LRRTM4: variants seen among roughly 807,000 people sequenced by gnomAD.
The protein encoded by LRRTM4 is leucine rich repeat transmembrane neuronal 4.
LRRTM4 carries 25 observed loss-of-function variants against 47.6 expected under a neutral mutation model. That is an observed-to-expected ratio of 0.53 (90% CI 0.38 to 0.73). The LOEUF is 0.73. Among genes scored for constraint, LRRTM4 ranks in the 30% least tolerant of loss-of-function variants. The pLI, the probability that LRRTM4 is intolerant of heterozygous loss-of-function variation, is 0.00. For missense variants in LRRTM4, 638 were observed against 713.4 expected (o/e 0.89, Z 1.20); for synonymous variants, 311 against 269.5 (o/e 1.15, Z -1.51).
chr2:77,337,310 A>G (rs749285498), intron 3 of LRRTM4, among the ~76,000 whole-genome samples: 20 of 152,072 alleles, frequency 1.3e-4, no homozygotes, highest in Non-Finnish European at 2.9e-4. Flanking sequence ...GGAATCTCCA[A>G]ATTTAACGCT....
intron 3 of LRRTM4, among the ~76,000 whole-genome samples, chr2:77,315,601 C>G (rs1479119773): frequency 6.6e-6 from 1 of 152,122 alleles, no homozygotes; most frequent in Non-Finnish European, 1.5e-5. Flanking sequence ...CTAAACTTTA[C>G]TCAGGTTTCT....
At chr2:77,512,958 T>G (rs889290502) in intron 3 of LRRTM4, among the ~76,000 whole-genome samples, 3 of 152,168 alleles carry the variant, frequency 2.0e-5, no homozygotes, top group Non-Finnish European at 4.4e-5. Context: ...TCGGTCTTTT[T>G]TTGGCAGCTG....
rs2103922990 is a variant in LRRTM4 at position 77,211,309 on chromosome 2, G to C, written c.1551+307009C>G. On this transcript the variant is annotated intron_variant, in intron 3 of 3. Coordinates refer to ENST00000409884, the MANE Select transcript of LRRTM4 (RefSeq NM_001134745.3). ...CAGCAAGTGCTGAAATGATGAAAGA[G>C]AAGCAGATACTGCTTAAAGCAGAGA... Among the ~76,000 whole-genome samples, 2 of 152,286 alleles carry C rather than the reference G, an allele frequency of 1.3e-5. 1 individual carries two copies. Among genetic ancestry groups the C allele is most frequent in the South Asian group, 4.1e-4 (2 of 4,832 alleles).
rs376743449 is a variant in LRRTM4 at position 77,115,293 on chromosome 2, G to A, written c.1552-366377C>T. 3.5e-4 allele frequency among the ~76,000 whole-genome samples: 53 copies of A among 152,178 alleles called. No homozygotes were observed. In the South Asian group the frequency reaches 0.01, roughly 29 times the overall value. ...TATCTTCCCTTGTTCCCTGAAAATC[G>A]CTGTTATCCTGTTCTTTTTCAGGGT... is the stretch of plus-strand genomic sequence containing the variant. On this transcript the variant is annotated intron_variant, in intron 3 of 3. Coordinates refer to ENST00000409884, the MANE Select transcript of LRRTM4 (RefSeq NM_001134745.3).
intron 3 of LRRTM4, among the ~76,000 whole-genome samples, chr2:77,302,605 C>T (rs1677160056): frequency 1.3e-5 from 2 of 152,176 alleles, no homozygotes; most frequent in Non-Finnish European, 2.9e-5. Context: ...TCAGTAAATA[C>T]TTGGTCAATC....
At chr2:77,425,067 C>T (rs966264250) in intron 3 of LRRTM4, among the ~76,000 whole-genome samples, 4 of 152,138 alleles carry the variant, frequency 2.6e-5, no homozygotes, top group Non-Finnish European at 5.9e-5. Flanking sequence ...AAGACCTGTG[C>T]TAAATAAAAC....
rs190990272 is a variant in LRRTM4, at chr2:77,453,235, G to A, written c.1551+65083C>T. 1.3e-3 allele frequency among the ~76,000 whole-genome samples: 178 copies of A among 137,704 alleles called. 1 individual carries two copies. Among genetic ancestry groups the A allele is most frequent in the East Asian group, 4.3e-3 (20 of 4,634 alleles). 90.3% of individuals were successfully genotyped at this position (137,704 alleles called of 152,430 possible). Reference sequence around the variant, plus strand: ...CTCGCTGTGTTGCCCAGGCTGGAGTGCAGTGGAGCGATCTCTGTTCACTGC... The same window carrying A: ...CTCGCTGTGTTGCCCAGGCTGGAGTACAGTGGAGCGATCTCTGTTCACTGC... On this transcript the variant is annotated intron_variant, in intron 3 of 3. Coordinates refer to ENST00000409884, the MANE Select transcript of LRRTM4 (RefSeq NM_001134745.3).
chr2:77,264,004 T>A (rs550444981), intron 3 of LRRTM4, among the ~76,000 whole-genome samples: 1 of 149,634 alleles, frequency 6.7e-6, no homozygotes, highest in African/African-American at 2.5e-5. Flanking sequence ...CCGAAACTTC[T>A]TTAAGTTTTT....
intron 3 of LRRTM4, among the ~76,000 whole-genome samples, chr2:76,776,514 A>G (rs1159897902): frequency 1.3e-5 from 2 of 152,102 alleles, no homozygotes; most frequent in Non-Finnish European, 1.5e-5. Context: ...GCCAGTGATG[A>G]TGAGCATTTT....
At chr2:77,278,710 T>C (rs139853331) in intron 3 of LRRTM4, among the ~76,000 whole-genome samples, 119 of 152,156 alleles carry the variant, frequency 7.8e-4, no homozygotes, top group African/African-American at 2.6e-3. Flanking sequence ...GAGATAAAGC[T>C]ACCTCACTCA....
chr2:76,952,886 C>T (rs1425081422), intron 3 of LRRTM4, among the ~76,000 whole-genome samples: 5 of 151,836 alleles, frequency 3.3e-5, no homozygotes, highest in African/African-American at 1.2e-4. Context: ...TTTGCAGCAG[C>T]ATAAATGGAG....
intron 3 of LRRTM4, among the ~76,000 whole-genome samples, chr2:77,453,804 T>C (rs934580588): frequency 6.6e-6 from 1 of 152,242 alleles, no homozygotes; most frequent in Non-Finnish European, 1.5e-5. Flanking sequence ...TTCATTCACA[T>C]TTATTTTGAT....
At chr2:76,918,553 CA>C (rs777637836) in intron 3 of LRRTM4, among the ~76,000 whole-genome samples, 4 of 152,122 alleles carry the variant, frequency 2.6e-5, no homozygotes, top group Admixed American at 6.5e-5. Context: ...TGTCCCCATG[CA>C]AAAATGTTTT....
intron 3 of LRRTM4, among the ~76,000 whole-genome samples, chr2:77,493,329 G>A (rs900839934): frequency 2.6e-5 from 4 of 151,968 alleles, no homozygotes; most frequent in East Asian, 3.9e-4. Context: ...ATCAGGAGAC[G>A]AAGCATTATA....
intron 3 of LRRTM4, among the ~76,000 whole-genome samples, chr2:77,138,017 A>G (rs1012843330): frequency 6.8e-4 from 104 of 152,142 alleles, no homozygotes; most frequent in African/African-American, 2.3e-3. Flanking sequence ...CTCCCACACA[A>G]TAATAATGGG....
chr2:77,139,175 A>C (rs537995556), intron 3 of LRRTM4, among the ~76,000 whole-genome samples: 88 of 152,288 alleles, frequency 5.8e-4, no homozygotes, highest in African/African-American at 2.0e-3. Flanking sequence ...AACAAAAAAA[A>C]GAGAATTTTA....
chr2:77,093,971 C>T (rs1049037974), intron 3 of LRRTM4, among the ~76,000 whole-genome samples: 3 of 149,838 alleles, frequency 2.0e-5, no homozygotes, highest in Non-Finnish European at 4.4e-5. Context: ...TTTCCTTTAC[C>T]TACCCAAATC....
intron 3 of LRRTM4, among the ~76,000 whole-genome samples, chr2:77,233,677 C>T (rs1348051349): frequency 6.6e-6 from 1 of 152,120 alleles, no homozygotes; most frequent in Non-Finnish European, 1.5e-5. Flanking sequence ...GGAAAACATT[C>T]TATTTAAAGT....
intron 3 of LRRTM4, among the ~76,000 whole-genome samples, chr2:77,353,891 T>C (rs1426585566): frequency 6.6e-6 from 1 of 152,060 alleles, no homozygotes; most frequent in Admixed American, 6.6e-5. Flanking sequence ...AAGCCAGTGG[T>C]GGAAGATGGA....
Sources: gnomAD v4.1 joint callset for allele counts (sites outside exome capture counted in the v4.1 genomes callset) on GRCh38, gnomAD v4.1.1 for gene constraint, MANE v1.5 for transcripts, NCBI Gene and HGNC (gene_info 2026-07-23, HGNC 2026-07-21) for gene names.